The following NAV2 variants were observed in gnomAD, a reference collection of about 807,000 sequenced individuals.
The protein encoded by NAV2 is helicase, APC down-regulated 1.
Under a neutral mutation model 223.2 loss-of-function variants are expected in NAV2, and 54 were observed. That is an observed-to-expected ratio of 0.24 (90% confidence interval 0.19 to 0.30). The LOEUF (loss-of-function observed/expected upper bound fraction) is 0.30. Among genes scored for constraint, NAV2 ranks in the 10% least tolerant of loss-of-function variants. NAV2 has a pLI of 1.00. For synonymous variants in NAV2, 1,279 were observed against 1,239.3 expected (o/e 1.03, Z -0.67); for missense variants, 2,806 against 3,147.5 (o/e 0.89, Z 2.60).
chr11:20,094,198 A>T (rs547014768), intron 29 of NAV2, among the ~76,000 whole-genome samples: 2 of 148,198 alleles, frequency 1.3e-5, no homozygotes, highest in Admixed American at 6.7e-5. Context: ...GTTAGGGGAA[A>T]CTCGTTCTTT....
At chr11:19,779,181 A>G (rs1455209695) in intron 1 of NAV2, among the ~76,000 whole-genome samples, 2 of 152,138 alleles carry the variant, frequency 1.3e-5, no homozygotes, top group Admixed American at 6.5e-5. Flanking sequence ...ATTAACTGTG[A>G]GGACCACCCA....
intron 22 of NAV2, among the ~76,000 whole-genome samples, chr11:20,070,958 AT>A (rs921826649): frequency 3.0e-4 from 45 of 151,464 alleles, no homozygotes; most frequent in African/African-American, 7.0e-4. Flanking sequence ...GGTTTTTTAA[AT>A]TTTTTTTTTA....
At chr11:20,045,866 A>G (rs1017923996) in intron 14 of NAV2, among the ~76,000 whole-genome samples, 196 bp downstream of exon 14, 1 of 152,242 alleles carries the variant, frequency 6.6e-6, no homozygotes, top group Non-Finnish European at 1.5e-5. Context: ...GGCCTCTGGA[A>G]TCAATCATCT....
upstream of NAV2, chr11:19,712,614 C>G (rs555219870): frequency 6.6e-6 from 1 of 152,294 alleles, no homozygotes; most frequent in African/African-American, 2.4e-5. Flanking sequence ...GGGGTGTGGG[C>G]CCCCCGGGAG....
In NAV2 at chr11:19,713,915, C is replaced by T. The variant is rs1284046906; in HGVS notation, c.220C>T (p.Leu74Phe). ...GCTGCAGGAGCCAGCGGGGGAGGGG[C>T]TCCCGCTGCGGAAGAGCGGCTCGGT... ...QGLQEPAGEGLPLRKSGSVEN... is the reference protein window; with the variant it reads ...QGLQEPAGEGFPLRKSGSVEN... The change falls in exon 1 of 38, where the codon CTC becomes TTC. Residue 74 changes from leucine to phenylalanine, a missense_variant. Transcript: ENST00000349880. This position sits in a 1 kb window ranked among gnomAD's most constrained non-coding sequence, Gnocchi z 7.2. The T allele has an allele frequency of 6.2e-7, 1 of 1,613,466 alleles. No individual in the cohort carries two copies. Among genetic ancestry groups the T allele is most frequent in the African/African-American group, 1.3e-5 (1 of 74,950 alleles).
intron 1 of NAV2, among the ~76,000 whole-genome samples, chr11:19,370,417 C>T: frequency 6.6e-6 from 1 of 152,200 alleles, no homozygotes; most frequent in East Asian, 1.9e-4. Flanking sequence ...TTCTAATTAC[C>T]TAGGTCCAGC....
chr11:19,669,385 A>G (rs1429938132), intron 1 of NAV2, among the ~76,000 whole-genome samples: 2 of 152,098 alleles, frequency 1.3e-5, no homozygotes, highest in African/African-American at 2.4e-5. Context: ...TGGCTCTACC[A>G]TGTACCTGCT....
intron 1 of NAV2, chr11:19,507,014 G>A (rs1468031918): frequency 1.3e-5 from 2 of 152,150 alleles, no homozygotes; most frequent in African/African-American, 4.8e-5. Context: ...TTGCCAGAGT[G>A]CAGTATTTGG....
At chr11:19,357,671 T>A (rs1191521440) in intron 1 of NAV2, among the ~76,000 whole-genome samples, 9 of 152,212 alleles carry the variant, frequency 5.9e-5, no homozygotes, top group Admixed American at 5.9e-4. Flanking sequence ...TCACATAAAA[T>A]TCCTTCTGGT....
At chr11:20,008,493 A>C (rs760414410) in intron 11 of NAV2, among the ~76,000 whole-genome samples, 10 of 152,214 alleles carry the variant, frequency 6.6e-5, no homozygotes, top group African/African-American at 2.4e-4. Context: ...CTTAACAGCC[A>C]AACAGAGACT....
intron 1 of NAV2, among the ~76,000 whole-genome samples, chr11:19,374,691 A>T (rs1365427137): frequency 1.3e-5 from 2 of 152,188 alleles, no homozygotes; most frequent in Non-Finnish European, 2.9e-5. Flanking sequence ...TGTCCTTTTG[A>T]TTCTAAGAAG....
In NAV2 at chr11:19,616,304, C is replaced by G. The variant is rs1265246339; in HGVS notation, c.76-216180C>G. Among the ~76,000 whole-genome samples, 6 of 140,708 alleles carry G rather than the reference C, an allele frequency of 4.3e-5. No homozygotes were observed. The South Asian group carries it at 9.5e-4, about 22-fold the overall frequency. The allele number at this position is 140,708 out of a possible 152,430, so 92.3% of individuals were successfully genotyped here. A position where few individuals can be genotyped will look rare whatever the true frequency, so the allele number is the denominator to read the frequency against. On this transcript the variant is annotated intron_variant, in intron 1 of 37. Transcript: ENST00000360655. Reference sequence around the variant, plus strand: ...CAGAGATAACCATTTTTGCTTCTGACTGTGTGTGTGTGTGTGTGTGTGTGT... The same window carrying G: ...CAGAGATAACCATTTTTGCTTCTGAGTGTGTGTGTGTGTGTGTGTGTGTGT...
intron 1 of NAV2, among the ~76,000 whole-genome samples, chr11:19,759,234 C>A (rs112875263): frequency 4.0e-5 from 6 of 151,828 alleles, no homozygotes; most frequent in Non-Finnish European, 8.8e-5. Context: ...AGGGGCACGC[C>A]GCCATGCCCG....
At position 19,860,981 on chromosome 11, in the gene NAV2, G is replaced by A. The variant is rs1221142790; in HGVS notation, c.439-7944G>A. 1.4e-5 allele frequency among the ~76,000 whole-genome samples: 2 copies of A among 146,360 alleles called. 1 individual carries two copies. The highest frequency in any genetic ancestry group is 4.9e-5 in the African/African-American group (2 of 40,410). On this transcript the variant is annotated intron_variant, in intron 3 of 37. Coordinates refer to ENST00000349880, the MANE Select transcript of NAV2 (RefSeq NM_145117.5). ...GTTGCAGTGAGCCGAGATGGCAGCA[G>A]TACAGTCCAGCTTCGGCTCGGCATC... is the stretch of plus-strand genomic sequence containing the variant.
chr11:19,738,321 G>A (rs983958017), intron 1 of NAV2, among the ~76,000 whole-genome samples: 2 of 152,252 alleles, frequency 1.3e-5, no homozygotes, highest in Non-Finnish European at 2.9e-5. Context: ...CTAGACACAT[G>A]TCTGCTGAAG....
At chr11:19,705,596 T>C (rs939141135) in intron 1 of NAV2, among the ~76,000 whole-genome samples, 4 of 152,116 alleles carry the variant, frequency 2.6e-5, no homozygotes, top group African/African-American at 9.7e-5. Context: ...CTCCCATTAA[T>C]CTTAGGATCT....
At chr11:19,366,807 G>C (rs1848300850) in intron 1 of NAV2, among the ~76,000 whole-genome samples, 4 of 152,148 alleles carry the variant, frequency 2.6e-5, no homozygotes, top group Admixed American at 6.5e-5. Context: ...TGCATAGTGA[G>C]ATCTGGACAC....
chr11:20,015,049 T>C (rs1007825071), intron 11 of NAV2, among the ~76,000 whole-genome samples: 3 of 152,190 alleles, frequency 2.0e-5, no homozygotes, highest in Non-Finnish European at 4.4e-5. Context: ...GGAGCTGAGA[T>C]TGTGTCACTG....
rs556908313 is a variant in NAV2, at chr11:19,862,038, G to C, written c.439-6887G>C. 5.2e-4 allele frequency among the ~76,000 whole-genome samples: 79 copies of C among 152,304 alleles called. No individual in the cohort carries two copies. The South Asian group carries it at 6.0e-3, about 12-fold the overall frequency. ...TTTGTTTCAAGGGAAAAATTGAGAA[G>C]TTGGAAAATAATAGGAAAAAATATT... On this transcript the variant is annotated intron_variant, in intron 3 of 37. Coordinates refer to ENST00000349880, the MANE Select transcript of NAV2 (RefSeq NM_145117.5).
Sources: allele counts gnomAD v4.1 joint callset (sites outside exome capture counted in the v4.1 genomes callset), GRCh38; gene constraint gnomAD v4.1.1; non-coding constraint Gnocchi (gnomAD v3.1); transcripts MANE v1.5; gene names NCBI Gene and HGNC (gene_info 2026-07-23, HGNC 2026-07-21).